PRKG1: variants seen among roughly 807,000 people sequenced by gnomAD.
PRKG1 encodes the protein protein kinase cGMP-dependent 1, also known as cGMP-dependent protein kinase 1.
In PRKG1, 35 loss-of-function variants were observed where a neutral mutation model predicts 88.1. The observed-to-expected ratio is 0.40, with a 90% confidence interval of 0.30 to 0.53. PRKG1 has a LOEUF of 0.53. PRKG1 is among the 20% of genes least tolerant of loss of function. The probability of loss-of-function intolerance (pLI) is 0.59; values close to 1 mark genes in which losing one functional copy is unlikely to be tolerated. For missense variants in PRKG1, 540 were observed against 839.8 expected, an observed-to-expected ratio of 0.64 and a Z score of 4.41; for synonymous variants, 303 against 292.5, an observed-to-expected ratio of 1.04 and a Z score of -0.37.
chr10:51,897,924 T>C (rs1841890960), intron 4 of PRKG1, among the ~76,000 whole-genome samples: 1 of 152,082 alleles, frequency 6.6e-6, no homozygotes, highest in Non-Finnish European at 1.5e-5. Flanking sequence ...AATCCTGCAA[T>C]GGCTCTACAT....
At chr10:51,646,255 T>A (rs1016130558) in intron 3 of PRKG1, among the ~76,000 whole-genome samples, 2 of 152,196 alleles carry the variant, frequency 1.3e-5, no homozygotes, top group African/African-American at 2.4e-5. Flanking sequence ...ATTTTAGATC[T>A]CAGTTTTCTT....
Position 51,551,412 on chromosome 10 carries a change from C to A in PRKG1, c.592+83576C>A, listed in dbSNP as rs563722822. Reference sequence around the variant, plus strand: ...ATCCTGAAATGGCAATATAATACAACCATTTGATATATAAGAATAGTTCAT... The same window carrying A: ...ATCCTGAAATGGCAATATAATACAAACATTTGATATATAAGAATAGTTCAT... On this transcript the variant is annotated intron_variant, in intron 3 of 17. Transcript: ENST00000373980. Among the ~76,000 whole-genome samples, 3 of 151,804 alleles carry A rather than the reference C, an allele frequency of 2.0e-5. No individual in the cohort carries two copies. In the East Asian group the frequency reaches 5.8e-4, roughly 29 times the overall value.
At chr10:51,633,865 T>C (rs1038684095) in intron 3 of PRKG1, among the ~76,000 whole-genome samples, 1 of 152,164 alleles carries the variant, frequency 6.6e-6, no homozygotes, top group African/African-American at 2.4e-5. Flanking sequence ...CTATTGGTTG[T>C]CAACTGATGA....
At chr10:51,639,648 C>T (rs1399068875) in intron 3 of PRKG1, among the ~76,000 whole-genome samples, 1 of 150,912 alleles carries the variant, frequency 6.6e-6, no homozygotes, top group Admixed American at 6.6e-5. Context: ...GAGAAATAAA[C>T]TTTTTATGCC....
chr10:51,987,737 C>G (rs2133121977), intron 5 of PRKG1, among the ~76,000 whole-genome samples: 1 of 152,074 alleles, frequency 6.6e-6, no homozygotes, highest in East Asian at 1.9e-4. Flanking sequence ...ATAAATATCT[C>G]CCATAATTTC....
intron 2 of PRKG1, among the ~76,000 whole-genome samples, chr10:51,416,981 T>C (rs1008527140): frequency 2.6e-5 from 4 of 152,192 alleles, no homozygotes; most frequent in African/African-American, 9.6e-5. Context: ...TAAACGTGTT[T>C]CCAGTTTTCT....
At chr10:51,828,847 T>C (rs573606299) in intron 4 of PRKG1, among the ~76,000 whole-genome samples, 4 of 152,314 alleles carry the variant, frequency 2.6e-5, no homozygotes, top group African/African-American at 9.6e-5. Flanking sequence ...TGTTCAAGTT[T>C]AAAAGAAGCT....
intron 3 of PRKG1, among the ~76,000 whole-genome samples, chr10:51,568,956 G>A (rs1395089088): frequency 6.6e-6 from 1 of 152,000 alleles, no homozygotes; most frequent in Non-Finnish European, 1.5e-5. Context: ...CTGGGTGTGG[G>A]CCGAGTAGAC....
chr10:51,935,539 C>A (rs1337082378), intron 5 of PRKG1, among the ~76,000 whole-genome samples: 2 of 152,062 alleles, frequency 1.3e-5, no homozygotes, highest in African/African-American at 4.8e-5. Context: ...AGACATCTTA[C>A]TTCCCCTTTT....
At chr10:52,051,267 ATT>A (rs1011250232) in intron 5 of PRKG1, among the ~76,000 whole-genome samples, 6 of 152,108 alleles carry the variant, frequency 3.9e-5, no homozygotes, top group African/African-American at 1.4e-4. Flanking sequence ...TTTTATTTGC[ATT>A]TTTCTACTTT....
chr10:51,100,282 C>G (rs1844647546), intron 1 of PRKG1, among the ~76,000 whole-genome samples: 1 of 152,090 alleles, frequency 6.6e-6, no homozygotes, highest in South Asian at 2.1e-4. Context: ...TAGGAAATGT[C>G]AACTGTAATC....
At chr10:51,219,645 G>A (rs1352912683) in intron 2 of PRKG1, among the ~76,000 whole-genome samples, 1 of 151,882 alleles carries the variant, frequency 6.6e-6, no homozygotes, top group Non-Finnish European at 1.5e-5. Flanking sequence ...AGGAGGCAGA[G>A]GTTGCAGTGA....
intron 1 of PRKG1, among the ~76,000 whole-genome samples, chr10:51,017,734 C>A (rs1468731419): frequency 6.6e-6 from 1 of 151,930 alleles, no homozygotes; most frequent in African/African-American, 2.4e-5. Flanking sequence ...ATTTTTATAT[C>A]TTCAGGTAAA....
intron 1 of PRKG1, among the ~76,000 whole-genome samples, chr10:51,087,503 C>A (rs1264170517): frequency 6.6e-6 from 1 of 152,182 alleles, no homozygotes; most frequent in African/African-American, 2.4e-5. Context: ...TGCTGCAATG[C>A]AGGGTTATGT....
In PRKG1 at chr10:51,698,901, G is replaced by A. The variant is rs761673073; in HGVS notation, c.593-105684G>A. 2 of 1,612,076 alleles carry A rather than the reference G, an allele frequency of 1.2e-6. No individual in the cohort carries two copies. The highest frequency in any genetic ancestry group is 1.7e-6 in the Non-Finnish European group (2 of 1,178,492). On this transcript the variant is annotated intron_variant, in intron 3 of 17. Transcript: ENST00000373980. Reference sequence around the variant, plus strand: ...GGTCCTGGGCAGAGCCCAGGGCCAGGGCCAGGGCCAGGGCCAGAGACAGAC... The same window carrying A: ...GGTCCTGGGCAGAGCCCAGGGCCAGAGCCAGGGCCAGGGCCAGAGACAGAC...
chr10:51,073,087 G>T (rs1843857418), upstream of PRKG1, among the ~76,000 whole-genome samples: 1 of 152,190 alleles, frequency 6.6e-6, no homozygotes, highest in Admixed American at 6.5e-5. Context: ...AGTTCGTAAT[G>T]TCTTAAGCAA....
chr10:52,252,900 A>C (rs890093723), intron 10 of PRKG1: 9 of 151,982 alleles, frequency 5.9e-5, no homozygotes, highest in Admixed American at 4.6e-4. Flanking sequence ...AACCCTACCA[A>C]TTAATGTAGC....
chr10:51,650,305 GCTCT>G (rs1840009515), intron 3 of PRKG1, among the ~76,000 whole-genome samples: 1 of 152,050 alleles, frequency 6.6e-6, no homozygotes. Context: ...TGGAATCTTG[GCTCT>G]CTAATATTGT....
intron 2 of PRKG1, among the ~76,000 whole-genome samples, chr10:51,282,230 G>GA (rs1333066301): frequency 6.6e-6 from 1 of 152,154 alleles, no homozygotes; most frequent in Non-Finnish European, 1.5e-5. Context: ...CAACAGAGTA[G>GA]AAAATATGAC....
Sources: gnomAD v4.1 joint callset for allele counts (sites outside exome capture counted in the v4.1 genomes callset) on GRCh38, gnomAD v4.1.1 for gene constraint, MANE v1.5 for transcripts, NCBI Gene and HGNC (gene_info 2026-07-23, HGNC 2026-07-21) for gene names.